ILKAP: variants seen among roughly 807,000 people sequenced by gnomAD.
ILKAP encodes the protein integrin-linked kinase-associated serine/threonine phosphatase 2C.
A neutral mutation model predicts 49.1 loss-of-function variants in ILKAP; 11 were observed. The ratio of observed to expected loss-of-function variants is 0.22; its 90% CI spans 0.14 to 0.37. The LOEUF is 0.37. Among genes scored for constraint, ILKAP ranks in the 10% least tolerant of loss-of-function variants. ILKAP has a pLI of 1.00. For missense variants in ILKAP, 363 were observed against 510.8 expected (o/e 0.71, Z 2.79); for synonymous variants, 186 against 192.8 (o/e 0.96, Z 0.29).
intron 1 of ILKAP, among the ~76,000 whole-genome samples, chr2:238,202,331 C>T (rs1694604181): frequency 6.6e-6 from 1 of 152,162 alleles, no homozygotes; most frequent in Non-Finnish European, 1.5e-5. Context: ...TCTCTCGGTG[C>T]CCGACAATCC....
chr2:238,180,184 G>GAAAGAAAAAGAA (rs71043111), intron 9 of ILKAP, among the ~76,000 whole-genome samples: 10 of 150,154 alleles, frequency 6.7e-5, no homozygotes, highest in East Asian at 6.0e-4. Flanking sequence ...AAAAAAGAAA[G>GAAAGAAAAAGAA]AAAGAAAAAG....
At chr2:238,199,521 A>T (rs988271255) in intron 1 of ILKAP, among the ~76,000 whole-genome samples, 1 of 152,016 alleles carries the variant, frequency 6.6e-6, no homozygotes, top group Non-Finnish European at 1.5e-5. Context: ...AACTGGGAGG[A>T]TACATCCTTT....
At chr2:238,194,231 A>T in intron 3 of ILKAP, 44 bp downstream of exon 3, 1 of 1,524,770 alleles carries the variant, frequency 6.6e-7, no homozygotes, top group Non-Finnish European at 9.1e-7. Context: ...GTAAAATACT[A>T]TGTATTATTT....
intron 4 of ILKAP, chr2:238,188,472 G>C: frequency 2.0e-6 from 1 of 500,928 alleles, no homozygotes; most frequent in African/African-American, 1.9e-5. Context: ...CTAAGAGGTT[G>C]CACAGGGACA....
At chr2:238,179,504 A>C (rs972549195) in intron 9 of ILKAP, among the ~76,000 whole-genome samples, 1 of 152,214 alleles carries the variant, frequency 6.6e-6, no homozygotes, top group African/African-American at 2.4e-5. Context: ...CTGATGAAAT[A>C]ATGATTTAGG....
intron 10 of ILKAP, 142 bp from the exon 11 acceptor site, chr2:238,171,166 T>TC (rs1693204122): frequency 2.3e-5 from 14 of 608,658 alleles, no homozygotes; most frequent in South Asian, 1.1e-4. Context: ...TTTTCTTTTT[T>TC]TTTTTTTTTT....
At chr2:238,176,243 C>T (rs181189440) in intron 9 of ILKAP, among the ~76,000 whole-genome samples, 94 of 148,664 alleles carry the variant, frequency 6.3e-4, no homozygotes, top group African/African-American at 1.6e-3. Context: ...AAGTGATCCT[C>T]CTGCCTCAAC....
rs1327326664 is a variant in ILKAP at position 238,203,565 on chromosome 2, G to A, written c.-12C>T. ...CCGAAGAGGTCCATGGCGGAGGCTG[G>A]GTGGAGGCGGCAGCAGCGACAGACA... On this transcript the variant is annotated 5_prime_UTR_variant, in exon 1 of 12. Coordinates refer to ENST00000254654, the MANE Select transcript of ILKAP (RefSeq NM_030768.3). The A allele has an allele frequency of 8.6e-7, 1 of 1,159,194 alleles. No individual in the cohort carries two copies. Among genetic ancestry groups the A allele is most frequent in the Non-Finnish European group, 1.1e-6 (1 of 938,468 alleles). The allele number at this position is 1,159,194 out of a possible 1,614,324, so 71.8% of individuals were successfully genotyped here. A position where few individuals can be genotyped will look rare whatever the true frequency, so the allele number is the denominator to read the frequency against.
At chr2:238,183,927 A>G in intron 7 of ILKAP, 93 bp downstream of exon 7, 1 of 989,684 alleles carries the variant, frequency 1.0e-6, no homozygotes, top group Non-Finnish European at 1.6e-6. Context: ...TCAGACAGTG[A>G]GCAATAGTGT....
At position 238,173,647 on chromosome 2, in the gene ILKAP, C is replaced by A; in HGVS notation, c.843G>T (p.Gly281=). ...ACACCTCTAGCACGCCCAAAACACG[C>A]CCATCCCTAAAATGAGAGGAAAAAC... ...IQKAGGNVRD[G]RVLGVLEVSR... The change falls in exon 10 of 12, where the codon GGG becomes GGT. Residue 281 remains glycine (G), a synonymous_variant. Transcript: ENST00000254654. 2 of 1,613,494 alleles carry A rather than the reference C, an allele frequency of 1.2e-6. No homozygotes were observed. The highest frequency in any genetic ancestry group is 1.3e-5 in the African/African-American group (1 of 75,016).
chr2:238,183,675 A>G lies in ILKAP; in HGVS notation c.692T>C (p.Ile231Thr). 1 of 1,612,974 alleles carries G rather than the reference A, an allele frequency of 6.2e-7. No individual in the cohort carries two copies. Among genetic ancestry groups the G allele is most frequent in the Non-Finnish European group, 8.5e-7 (1 of 1,179,708 alleles). Reference protein sequence around the residue: ...CVLAVDNILYIANLGDSRAIL... With the variant: ...CVLAVDNILYTANLGDSRAIL... ...TACCCGACTATCTCCGAGGTTGGCA[A>G]TATAAAGAATGTTGTCTACAGCCAG... The change falls in exon 8 of 12, where the codon ATT becomes ACT. Residue 231 changes from isoleucine (I) to threonine (T), a missense_variant. This residue lies in a region of ILKAP where 166 missense variants were observed against 307.3 expected (regional missense o/e 0.54). Coordinates refer to ENST00000254654, the MANE Select transcript of ILKAP (RefSeq NM_030768.3).
intron 1 of ILKAP, among the ~76,000 whole-genome samples, chr2:238,195,238 G>A (rs1280356862): frequency 6.6e-6 from 1 of 152,122 alleles, no homozygotes; most frequent in Non-Finnish European, 1.5e-5. Context: ...TCTAGACCAG[G>A]AAAACAATAC....
intron 10 of ILKAP, among the ~76,000 whole-genome samples, 171 bp from the exon 11 acceptor site, chr2:238,171,195 T>C (rs1032406867): frequency 1.3e-5 from 2 of 151,116 alleles, no homozygotes; most frequent in Admixed American, 6.6e-5. Flanking sequence ...GTTTCACTCT[T>C]GTTGCCCAGG....
chr2:238,195,223 C>T (rs1419963444), intron 1 of ILKAP, among the ~76,000 whole-genome samples: 1 of 152,042 alleles, frequency 6.6e-6, no homozygotes, highest in Non-Finnish European at 1.5e-5. Flanking sequence ...AAGAAAAAAA[C>T]TGATTCTAGA....
chr2:238,184,439 C>T (rs1269913593), intron 6 of ILKAP, among the ~76,000 whole-genome samples: 1 of 152,168 alleles, frequency 6.6e-6, no homozygotes, highest in Non-Finnish European at 1.5e-5. Flanking sequence ...CCACCTGCCT[C>T]GGCCTCCCAA....
chr2:238,178,226 G>T (rs1175670698), intron 9 of ILKAP, among the ~76,000 whole-genome samples: 1 of 152,166 alleles, frequency 6.6e-6, no homozygotes, highest in Non-Finnish European at 1.5e-5. Flanking sequence ...CTGTCAACTA[G>T]GCTGGAGTGC....
At chr2:238,183,128 G>A (rs527803160) in intron 8 of ILKAP, among the ~76,000 whole-genome samples, 4 of 152,138 alleles carry the variant, frequency 2.6e-5, no homozygotes, top group Admixed American at 6.5e-5. Flanking sequence ...GCATCCCCAC[G>A]ACTGTCACCA....
At chr2:238,179,003 A>G (rs1693582560) in intron 9 of ILKAP, among the ~76,000 whole-genome samples, 1 of 152,142 alleles carries the variant, frequency 6.6e-6, no homozygotes, top group Non-Finnish European at 1.5e-5. Flanking sequence ...GGGTTTCACC[A>G]CAGTTGCCAA....
At chr2:238,187,770 T>C (rs1435906062) in intron 5 of ILKAP, among the ~76,000 whole-genome samples, 2 of 152,176 alleles carry the variant, frequency 1.3e-5, no homozygotes, top group African/African-American at 4.8e-5. Context: ...TGCAGAGCCA[T>C]GCTATGAAGC....
Sources: gnomAD v4.1 joint callset for allele counts (sites outside exome capture counted in the v4.1 genomes callset) on GRCh38, gnomAD v4.1.1 for gene constraint, gnomAD v4.1.1 regional missense constraint, MANE v1.5 for transcripts, NCBI Gene and HGNC (gene_info 2026-07-23, HGNC 2026-07-21) for gene names.